The following ZNF10 variants were observed in gnomAD, a reference collection of about 807,000 sequenced individuals.
ZNF10 encodes the protein zinc finger protein 10 (KOX 1).
A neutral mutation model predicts 12.2 loss-of-function variants in ZNF10; 8 were observed. That is an observed-to-expected ratio of 0.66 (90% CI 0.39 to 1.18). ZNF10 has a LOEUF of 1.18. Among genes scored for constraint, ZNF10 ranks in the 50% most tolerant of loss-of-function variants. ZNF10 has a pLI of 0.01. For synonymous variants in ZNF10, 229 were observed against 228.2 expected (o/e 1.00, Z -0.03); for missense variants, 603 against 678.9 (o/e 0.89, Z 1.24).
chr12:133,149,321 A>C (rs1197008127), intron 2 of ZNF10, among the ~76,000 whole-genome samples: 1 of 143,662 alleles, frequency 7.0e-6, no homozygotes, highest in Non-Finnish European at 1.5e-5. Context: ...CTGAAACTCC[A>C]GGGCTCAAGG....
rs1020420991 is a variant in ZNF10, at chr12:133,157,490, T to A, written c.*522T>A. The A allele has an allele frequency of 6.6e-6, 1 of 152,200 alleles. No individual in the cohort carries two copies. Among genetic ancestry groups the A allele is most frequent in the African/African-American group, 2.4e-5 (1 of 41,436 alleles). 9.4% of individuals were successfully genotyped at this position (152,200 alleles called of 1,614,324 possible). A position where few individuals can be genotyped will look rare whatever the true frequency, so the allele number is the denominator to read the frequency against. On this transcript the variant is annotated 3_prime_UTR_variant, in exon 5 of 5. Coordinates refer to ENST00000248211, the MANE Select transcript of ZNF10 (RefSeq NM_015394.5). ...ATATTTTGGTTAACAGCAAGAAAAATGCTTATAATGTAGTACAATTAAAAA... is the reference window on the plus strand; with the variant it reads ...ATATTTTGGTTAACAGCAAGAAAAAAGCTTATAATGTAGTACAATTAAAAA...
intron 2 of ZNF10, among the ~76,000 whole-genome samples, chr12:133,150,300 A>T (rs1032774671): frequency 2.6e-5 from 4 of 152,138 alleles, no homozygotes; most frequent in Admixed American, 6.5e-5. Context: ...GAATATCTTA[A>T]TTTTGCATCA....
chr12:133,138,468 G>A (rs1172035408), intron 1 of ZNF10, among the ~76,000 whole-genome samples: 3 of 151,634 alleles, frequency 2.0e-5, no homozygotes. Flanking sequence ...GAGCCCAGGA[G>A]TTTGAGGCCA....
At position 133,157,347 on chromosome 12, in the gene ZNF10, T is replaced by G. The variant is rs1268151093; in HGVS notation, c.*379T>G. Reference sequence around the variant, plus strand: ...GCTGAGAATTAAGAAATGATACAGTTAATGCAACAAAAGATGGAAAATAAT... The same window carrying G: ...GCTGAGAATTAAGAAATGATACAGTGAATGCAACAAAAGATGGAAAATAAT... On this transcript the variant is annotated 3_prime_UTR_variant, in exon 5 of 5. Transcript: ENST00000248211. 6.2e-6 allele frequency: 1 copy of G among 162,484 alleles called. No homozygotes were observed. The highest frequency in any genetic ancestry group is 1.3e-5 in the Non-Finnish European group (1 of 75,378). The allele number at this position is 162,484 out of a possible 1,614,324, so 10.1% of individuals were successfully genotyped here. A position where few individuals can be genotyped will look rare whatever the true frequency, so the allele number is the denominator to read the frequency against.
At position 133,157,641 on chromosome 12, in the gene ZNF10, TA is replaced by T. The variant is rs1481123466; in HGVS notation, c.*674del. The T allele has an allele frequency of 6.6e-6, 1 of 152,248 alleles. No homozygotes were observed. The highest frequency in any genetic ancestry group is 2.4e-5 in the African/African-American group (1 of 41,462). 9.4% of individuals were successfully genotyped at this position (152,248 alleles called of 1,614,324 possible). On this transcript the variant is annotated 3_prime_UTR_variant, in exon 5 of 5. Transcript: ENST00000248211. ...ATAAGGAGATTTTGACTGAGTTTTA[TA>T]GTCTGTTTAATGTTGCTGTAATAAT...
At chr12:133,140,222 A>AAAAAAAAAAAAAAAAAAG (rs1566345160) in intron 1 of ZNF10, among the ~76,000 whole-genome samples, 1 of 123,228 alleles carries the variant, frequency 8.1e-6, no homozygotes, top group Non-Finnish European at 1.7e-5. Context: ...AAAAAAAAAA[A>AAAAAAAAAAAAAAAAAAG]AAAAAAAAAG....
Position 133,134,481 on chromosome 12 carries a change from C to T in ZNF10, c.-60+3727C>T, listed in dbSNP as rs898144020. 2.0e-5 allele frequency among the ~76,000 whole-genome samples: 3 copies of T among 152,250 alleles called. No individual in the cohort carries two copies. In the East Asian group the frequency reaches 5.8e-4, roughly 29 times the overall value. ...CTGGACGGGGGCAAGGAAATAGATT[C>T]TTCTCTAGAGCCTCCAGAAGGAACA... is the stretch of plus-strand genomic sequence containing the variant. On this transcript the variant is annotated intron_variant, in intron 1 of 4. Transcript: ENST00000248211.
At chr12:133,136,813 G>A (rs555721396) in intron 1 of ZNF10, among the ~76,000 whole-genome samples, 53 of 152,164 alleles carry the variant, frequency 3.5e-4, no homozygotes, top group Non-Finnish European at 6.8e-4. Context: ...TCCTCCTCCC[G>A]AAAAGCTTGT....
chr12:133,144,262 C>T, intron 1 of ZNF10, 172 bp from the exon 2 acceptor site: 1 of 393,688 alleles, frequency 2.5e-6, no homozygotes. Context: ...TCTTCTCTTC[C>T]TAATCTTGGG....
intron 1 of ZNF10, among the ~76,000 whole-genome samples, chr12:133,142,154 G>C (rs1318720756): frequency 6.6e-6 from 1 of 152,186 alleles, no homozygotes; most frequent in Non-Finnish European, 1.5e-5. Flanking sequence ...CGGGCGCGGT[G>C]GCTCACGCCT....
chr12:133,155,351 C>A, intron 4 of ZNF10, 152 bp from the exon 5 acceptor site: 2 of 871,694 alleles, frequency 2.3e-6, no homozygotes, highest in Non-Finnish European at 3.4e-6. Context: ...TTGTTTACCG[C>A]TCCATTCTTC....
intron 1 of ZNF10, among the ~76,000 whole-genome samples, chr12:133,135,208 T>G (rs553369987): frequency 6.6e-6 from 1 of 152,264 alleles, no homozygotes; most frequent in East Asian, 1.9e-4. Context: ...CTTTCATGGG[T>G]CTGCCTTGTC....
chr12:133,152,706 A>G (rs1355978552), intron 4 of ZNF10, among the ~76,000 whole-genome samples: 2 of 152,182 alleles, frequency 1.3e-5, no homozygotes, highest in African/African-American at 4.8e-5. Flanking sequence ...GTGAGCCACC[A>G]TGCCCAGCCT....
In ZNF10 at chr12:133,151,232, C is replaced by G; in HGVS notation, c.160+78C>G. ...CAGAGACCCTGAAGCATGTATCACA[C>G]CAGAGTATAGGCTTGGCGTTCAGAG... is the stretch of plus-strand genomic sequence containing the variant. On this transcript the variant is annotated intron_variant, in intron 3 of 4. Coordinates refer to ENST00000248211, the MANE Select transcript of ZNF10 (RefSeq NM_015394.5). 3 of 1,423,472 alleles carry G rather than the reference C, an allele frequency of 2.1e-6. No individual in the cohort carries two copies. The South Asian group carries it at 4.4e-5, about 21-fold the overall frequency. The allele number at this position is 1,423,472 out of a possible 1,614,324, so 88.2% of individuals were successfully genotyped here.
intron 1 of ZNF10, among the ~76,000 whole-genome samples, chr12:133,134,639 T>C (rs1354674079): frequency 6.6e-6 from 1 of 152,230 alleles, no homozygotes; most frequent in East Asian, 1.9e-4. Context: ...GGAAAACTAA[T>C]ATAGCCCTCT....
At chr12:133,146,815 T>C (rs761926996) in intron 2 of ZNF10, among the ~76,000 whole-genome samples, 2 of 151,758 alleles carry the variant, frequency 1.3e-5, no homozygotes, top group Non-Finnish European at 2.9e-5. Context: ...CACTTCACTC[T>C]ACCCTAGGTG....
intron 2 of ZNF10, among the ~76,000 whole-genome samples, chr12:133,146,956 C>T (rs887790984): frequency 2.0e-5 from 3 of 152,290 alleles, no homozygotes; most frequent in Middle Eastern, 6.8e-3. Flanking sequence ...CCCCTTGCAA[C>T]CACTGATCTA....
In ZNF10 at chr12:133,156,804, A is replaced by G. The variant is rs751973512; in HGVS notation, c.1558A>G (p.Asn520Asp). The G allele has an allele frequency of 6.4e-7, 1 of 1,557,742 alleles. No homozygotes were observed. The highest frequency in any genetic ancestry group is 2.2e-5 in the East Asian group (1 of 44,486). The change falls in exon 5 of 5, where the codon AAT becomes GAT. Residue 520 changes from asparagine to aspartate, a missense_variant. Coordinates refer to ENST00000248211, the MANE Select transcript of ZNF10 (RefSeq NM_015394.5). ...IHVGEETYKC[N>D]QCGIIFSQNS... The stretch of plus-strand genomic sequence containing the variant: ...TGTTGGAGAAGAGACCTATAAATGT[A>G]ATCAATGTGGCATTATCTTCAGCCA...
chr12:133,144,702 CTTCTT>C (rs1285580578), intron 2 of ZNF10, among the ~76,000 whole-genome samples, 177 bp downstream of exon 2: 3 of 152,096 alleles, frequency 2.0e-5, no homozygotes, highest in East Asian at 1.9e-4. Context: ...CTTTCCCTCT[CTTCTT>C]TTATTATAGA....
Sources: gnomAD v4.1 joint callset for allele counts (sites outside exome capture counted in the v4.1 genomes callset) on GRCh38, gnomAD v4.1.1 for gene constraint, MANE v1.5 for transcripts, NCBI Gene and HGNC (gene_info 2026-07-23, HGNC 2026-07-21) for gene names.